Variants in FGD4 observed in about 807,000 individuals in gnomAD.
FGD4 encodes the protein FYVE, RhoGEF and PH domain containing 4, also known as FYVE, RhoGEF and PH domain-containing protein 4.
A neutral mutation model predicts 102.0 loss-of-function variants in FGD4; 42 were observed. That is an observed-to-expected ratio of 0.41 (90% CI 0.32 to 0.53). FGD4 has a LOEUF of 0.53. FGD4 is among the 20% of genes least tolerant of loss of function. The pLI is 0.21. For synonymous variants in FGD4, 380 were observed against 375.7 expected (o/e 1.01, Z -0.13); for missense variants, 902 against 1,078.2 (o/e 0.84, Z 2.29).
intron 1 of FGD4, among the ~76,000 whole-genome samples, chr12:32,540,728 G>C (rs1592155318): frequency 6.6e-6 from 1 of 152,012 alleles, no homozygotes; most frequent in South Asian, 2.1e-4. Context: ...ACCACCCCCA[G>C]CTAATTTTGT....
chr12:32,638,226 A>G (rs1048410978), intron 15 of FGD4, among the ~76,000 whole-genome samples: 5 of 152,134 alleles, frequency 3.3e-5, no homozygotes, highest in Non-Finnish European at 7.4e-5. Context: ...TCTCCCAGCT[A>G]CTTGAGAGGC....
chr12:32,626,602 G>T (rs1337799172), intron 14 of FGD4, among the ~76,000 whole-genome samples: 1 of 152,174 alleles, frequency 6.6e-6, no homozygotes, highest in African/African-American at 2.4e-5. Context: ...GCTGGAGCAT[G>T]ATGAGTAAGA....
At chr12:32,481,205 G>C (rs1029200051) in intron 1 of FGD4, among the ~76,000 whole-genome samples, 1 of 147,048 alleles carries the variant, frequency 6.8e-6, no homozygotes, top group Non-Finnish European at 1.5e-5. Flanking sequence ...TTGGGAGGCC[G>C]ATGCGGTTGG....
chr12:32,537,465 G>A (rs11052058), intron 1 of FGD4, among the ~76,000 whole-genome samples: 7,637 of 152,170 alleles, frequency 0.05, 275 homozygotes, highest in South Asian at 0.096. Context: ...CTCTAAAAAC[G>A]GAGGGCAGAT....
At chr12:32,507,134 G>A (rs554874821) in intron 1 of FGD4, among the ~76,000 whole-genome samples, 3 of 133,132 alleles carry the variant, frequency 2.3e-5, no homozygotes, top group Non-Finnish European at 4.6e-5. Flanking sequence ...CTGTGTCCAT[G>A]TGTTCTCATT....
intron 1 of FGD4, among the ~76,000 whole-genome samples, chr12:32,561,313 C>G (rs1157871412): frequency 6.6e-6 from 1 of 151,988 alleles, no homozygotes; most frequent in Non-Finnish European, 1.5e-5. Context: ...TCTTGAACTC[C>G]TGACCTCAGG....
At chr12:32,411,262 C>G (rs1433654720) in intron 1 of FGD4, among the ~76,000 whole-genome samples, 1 of 151,752 alleles carries the variant, frequency 6.6e-6, no homozygotes, top group African/African-American at 2.4e-5. Context: ...GTGGGTGGGA[C>G]GCGGTGGCTC....
chr12:32,631,511 T>TC (rs1387396513), intron 14 of FGD4, among the ~76,000 whole-genome samples: 151 of 150,318 alleles, frequency 1.0e-3, no homozygotes, highest in African/African-American at 3.5e-3. Flanking sequence ...AGCTTTTTTT[T>TC]TTTTTTTTTT....
intron 1 of FGD4, among the ~76,000 whole-genome samples, chr12:32,457,617 C>A (rs368892212): frequency 5.9e-5 from 9 of 152,154 alleles, no homozygotes; most frequent in Non-Finnish European, 1.0e-4. Context: ...TATTGAGCTT[C>A]TGAGATGTCT....
In FGD4 at chr12:32,498,270, A is replaced by G. The variant is rs142015544; in HGVS notation, c.167-65867A>G. Among the ~76,000 whole-genome samples, 43 of 152,336 alleles carry G rather than the reference A, an allele frequency of 2.8e-4. No homozygotes were observed. In the East Asian group the frequency reaches 6.6e-3, roughly 23 times the overall value. On this transcript the variant is annotated intron_variant, in intron 1 of 16. Transcript: ENST00000534526. ...AAAATGGCAACATCTATCAAATACT[A>G]TGCAAACTCCTACCTCTAGACAGTT...
chr12:32,527,184 T>C (rs1941331390), intron 1 of FGD4, among the ~76,000 whole-genome samples: 1 of 152,228 alleles, frequency 6.6e-6, no homozygotes, highest in Non-Finnish European at 1.5e-5. Flanking sequence ...GGATGCTCTT[T>C]TAAAAAATAA....
intron 2 of FGD4, among the ~76,000 whole-genome samples, chr12:32,568,682 C>G (rs1298006046): frequency 6.6e-6 from 1 of 152,156 alleles, no homozygotes; most frequent in Non-Finnish European, 1.5e-5. Context: ...ATATAGAGTA[C>G]TTAAACCTAT....
Position 32,576,411 on chromosome 12 carries a change from T to TA in FGD4, c.467dup (p.Val157GlyfsTer9). On this transcript the variant is annotated frameshift_variant, in exon 3 of 17. Coordinates refer to ENST00000534526, the MANE Select transcript of FGD4 (RefSeq NM_001370298.3). LOFTEE classifies it high-confidence loss of function. ...CTTGTGTCTCAAAAGAAAAACCCAG[T>TA]AAGGTATCAGATCTCATCAGTCGCT... 2 of 1,614,014 alleles carry TA rather than the reference T, an allele frequency of 1.2e-6. No homozygotes were observed. Among genetic ancestry groups the TA allele is most frequent in the Non-Finnish European group, 1.7e-6 (2 of 1,179,992 alleles).
chr12:32,576,559 T>A (rs1193579997), intron 3 of FGD4, 110 bp downstream of exon 3: 20 of 1,201,286 alleles, frequency 1.7e-5, no homozygotes, highest in Non-Finnish European at 2.2e-5. Flanking sequence ...CTTATTCCAT[T>A]AGGTTTGGTA....
chr12:32,508,396 T>A (rs542612577), intron 1 of FGD4, among the ~76,000 whole-genome samples: 1 of 152,198 alleles, frequency 6.6e-6, no homozygotes, highest in Non-Finnish European at 1.5e-5. Context: ...GGGAACAATC[T>A]CCAAGGCAGC....
At chr12:32,613,285 T>C (rs1949258186) in intron 10 of FGD4, among the ~76,000 whole-genome samples, 1 of 152,192 alleles carries the variant, frequency 6.6e-6, no homozygotes. Flanking sequence ...TAGGAACTAA[T>C]TGTCATGCAG....
chr12:32,408,818 G>A (rs919117648), intron 1 of FGD4, among the ~76,000 whole-genome samples: 2 of 152,108 alleles, frequency 1.3e-5, no homozygotes, highest in African/African-American at 4.8e-5. Flanking sequence ...CCTTTTTAAA[G>A]CTCTTTTCTT....
At chr12:32,560,229 A>C (rs2136243759) in intron 1 of FGD4, among the ~76,000 whole-genome samples, 1 of 152,328 alleles carries the variant, frequency 6.6e-6, no homozygotes, top group South Asian at 2.1e-4. Flanking sequence ...TAAAGGTTTC[A>C]ACTGTATTTC....
Position 32,561,070 on chromosome 12 carries a change from GTTTTGTTT to G in FGD4, c.167-3062_167-3055del, listed in dbSNP as rs1288244372. ...AGCAGAAATGTGGTTTCTTTGTTGG[GTTTTGTTT>G]TTTTTTTTTTTTTTTTTTTTTTTGA... On this transcript the variant is annotated intron_variant, in intron 1 of 16. Transcript: ENST00000534526. Among the ~76,000 whole-genome samples the G allele has an allele frequency of 7.5e-3, 678 of 90,762 alleles. 69 individuals carry two copies. The highest frequency in any genetic ancestry group is 0.027 in the African/African-American group (645 of 23,992). 59.5% of individuals were successfully genotyped at this position (90,762 alleles called of 152,430 possible).
Sources: gnomAD v4.1 joint callset for allele counts (sites outside exome capture counted in the v4.1 genomes callset) on GRCh38, gnomAD v4.1.1 for gene constraint, MANE v1.5 for transcripts, NCBI Gene and HGNC (gene_info 2026-07-23, HGNC 2026-07-21) for gene names.